The following PCDH11X variants were observed in gnomAD, a reference collection of about 807,000 sequenced individuals.
The protein encoded by PCDH11X is protocadherin-11 X-linked.
In PCDH11X, 18 loss-of-function variants were observed where a neutral mutation model predicts 53.3. That is an observed-to-expected ratio of 0.34 (90% CI 0.23 to 0.50). The LOEUF (loss-of-function observed/expected upper bound fraction) is 0.50. Among genes scored for constraint, PCDH11X ranks in the 20% least tolerant of loss-of-function variants. PCDH11X has a pLI of 0.98. For missense variants in PCDH11X, 570 were observed against 1,032.4 expected, an observed-to-expected ratio of 0.55 and a Z score of 6.14; for synonymous variants, 279 against 393.3, an observed-to-expected ratio of 0.71 and a Z score of 3.44.
At chrX:91,799,282 A>G (rs1363340051) in intron 1 of PCDH11X, among the ~76,000 whole-genome samples, 1 of 111,522 alleles carries the variant, frequency 9.0e-6, no homozygotes, top group East Asian at 2.8e-4. Flanking sequence ...TAAAATTTCT[A>G]TTATCCTTCA....
At chrX:91,781,931 G>T (rs967812938) in intron 1 of PCDH11X, among the ~76,000 whole-genome samples, 1 of 112,232 alleles carries the variant, frequency 8.9e-6, no homozygotes, top group African/African-American at 3.2e-5. Context: ...CTGCCAGGTC[G>T]CCACACTCGC....
intron 6 of PCDH11X, among the ~76,000 whole-genome samples, chrX:92,133,492 G>A (rs1373466484): frequency 8.1e-5 from 9 of 111,332 alleles, no homozygotes; most frequent in Non-Finnish European, 1.7e-4. Context: ...TCAGCCTCCC[G>A]AGTAGCTGGG....
intron 10 of PCDH11X, among the ~76,000 whole-genome samples, chrX:92,587,437 C>T (rs1924514061): frequency 9.1e-6 from 1 of 110,377 alleles, no homozygotes. Context: ...TTCTCTATTA[C>T]TTAAAACATA....
At chrX:92,268,704 A>G (rs1385406216) in intron 8 of PCDH11X, among the ~76,000 whole-genome samples, 1 of 111,546 alleles carries the variant, frequency 9.0e-6, no homozygotes, top group African/African-American at 3.3e-5. Context: ...TATTTATTTA[A>G]CTCAATGGTA....
intron 8 of PCDH11X, among the ~76,000 whole-genome samples, chrX:92,284,167 G>A (rs1216836244): frequency 8.2e-5 from 9 of 109,901 alleles, no homozygotes; most frequent in South Asian, 3.9e-4. Flanking sequence ...ATCAACCTAC[G>A]TATGTAAATT....
chrX:92,484,342 A>T (rs1381353293), intron 10 of PCDH11X, among the ~76,000 whole-genome samples: 1 of 103,260 alleles, frequency 9.7e-6, no homozygotes, highest in Non-Finnish European at 2.0e-5. Context: ...CGAATGGTAC[A>T]TCTACTTTTA....
chrX:92,067,782 A>G (rs1353063209), intron 6 of PCDH11X, among the ~76,000 whole-genome samples: 3 of 111,556 alleles, frequency 2.7e-5, no homozygotes, highest in Non-Finnish European at 5.6e-5. Context: ...CAGTGAAACC[A>G]GCAGGTTTCA....
At chrX:92,200,659 G>A (rs957804678) in intron 6 of PCDH11X, among the ~76,000 whole-genome samples, 1 of 111,280 alleles carries the variant, frequency 9.0e-6, no homozygotes, top group Non-Finnish European at 1.9e-5. Flanking sequence ...AATGCACTTA[G>A]CACTTATCAC....
chrX:92,441,382 C>T (rs1301843620), intron 9 of PCDH11X, among the ~76,000 whole-genome samples: 1 of 111,508 alleles, frequency 9.0e-6, no homozygotes, highest in Non-Finnish European at 1.9e-5. Flanking sequence ...GGCAGCCCCT[C>T]CTATCACAAG....
At chrX:92,599,041 G>A (rs1042695375) in intron 10 of PCDH11X, among the ~76,000 whole-genome samples, 15 of 111,121 alleles carry the variant, frequency 1.3e-4, no homozygotes, top group Non-Finnish European at 2.8e-4. Flanking sequence ...AGGCTGGGAA[G>A]CATAGTAGAG....
chrX:92,413,599 A>C (rs2071738448), intron 9 of PCDH11X, among the ~76,000 whole-genome samples: 1 of 100,777 alleles, frequency 9.9e-6, no homozygotes, highest in Non-Finnish European at 2.0e-5. Flanking sequence ...TGTCAACTGA[A>C]GAATGATGAG....
chrX:92,313,847 C>T (rs1361156311), intron 8 of PCDH11X, among the ~76,000 whole-genome samples: 24 of 111,049 alleles, frequency 2.2e-4, no homozygotes, highest in African/African-American at 6.5e-4. Context: ...AGTAAAAATA[C>T]GGTATAAAAA....
chrX:92,480,106 A>G (rs1166899505), intron 10 of PCDH11X, among the ~76,000 whole-genome samples: 1 of 110,641 alleles, frequency 9.0e-6, no homozygotes, highest in Non-Finnish European at 1.9e-5. Flanking sequence ...TGACCTTCAG[A>G]CTCTGAGATT....
intron 6 of PCDH11X, among the ~76,000 whole-genome samples, chrX:92,194,952 TG>T: frequency 9.0e-6 from 1 of 111,630 alleles, no homozygotes; most frequent in Middle Eastern, 4.6e-3. Context: ...TTATGTTTGC[TG>T]GGGGGAAATC....
In PCDH11X at chrX:92,221,300, C is replaced by T. The variant is rs894808078; in HGVS notation, c.3114+19845C>T. ...TACAACACACACACACACACACACA[C>T]ACACACACACACACACACACACACA... On this transcript the variant is annotated intron_variant, in intron 7 of 10. Coordinates refer to ENST00000682573, the MANE Select transcript of PCDH11X (RefSeq NM_032968.5). 5.2e-4 allele frequency among the ~76,000 whole-genome samples: 54 copies of T among 103,998 alleles called. No homozygotes were observed. The East Asian group carries it at 0.014, about 28-fold the overall frequency. 90.3% of individuals were successfully genotyped at this position (103,998 alleles called of 115,157 possible).
At chrX:92,264,218 A>G (rs1390678551) in intron 8 of PCDH11X, among the ~76,000 whole-genome samples, 1 of 112,138 alleles carries the variant, frequency 8.9e-6, no homozygotes, top group Non-Finnish European at 1.9e-5. Context: ...TTTGAATACA[A>G]TGCCAAAAGG....
intron 4 of PCDH11X, among the ~76,000 whole-genome samples, chrX:91,823,229 T>G (rs1425581932): frequency 1.1e-4 from 12 of 110,973 alleles, no homozygotes; most frequent in East Asian, 2.8e-4. Context: ...TGGGTATCCT[T>G]GTTGACTTTC....
chrX:92,351,069 A>T (rs1466185659), intron 8 of PCDH11X, among the ~76,000 whole-genome samples: 2 of 112,159 alleles, frequency 1.8e-5, no homozygotes, highest in East Asian at 5.6e-4. Context: ...CAAACTTCTG[A>T]GTAACTTCTG....
intron 10 of PCDH11X, among the ~76,000 whole-genome samples, chrX:92,514,548 G>A (rs1274374592): frequency 9.4e-6 from 1 of 105,831 alleles, no homozygotes; most frequent in Non-Finnish European, 1.9e-5. Flanking sequence ...TGGCCAACAT[G>A]GTGAATCCCC....
Sources: allele counts gnomAD v4.1 joint callset (sites outside exome capture counted in the v4.1 genomes callset), GRCh38; gene constraint gnomAD v4.1.1; transcripts MANE v1.5; gene names NCBI Gene and HGNC (gene_info 2026-07-23, HGNC 2026-07-21).